Variants in CENPW observed in about 807,000 individuals in gnomAD.
CENPW encodes the protein cancer-up-regulated gene 2 protein.
CENPW carries 3 observed loss-of-function variants against 11.1 expected under a neutral mutation model. The observed-to-expected ratio is 0.27, with a 90% CI of 0.12 to 0.70. The LOEUF (loss-of-function observed/expected upper bound fraction) is 0.70, where lower values mean the gene tolerates loss of function less well. Among genes scored for constraint, CENPW ranks in the 30% least tolerant of loss-of-function variants. The pLI, the probability that CENPW is intolerant of heterozygous loss-of-function variation, is 0.77. For synonymous variants in CENPW, 38 were observed against 42.0 expected (o/e 0.91, Z 0.37); for missense variants, 100 against 105.6 (o/e 0.95, Z 0.23).
the CENPW span, among the ~76,000 whole-genome samples, chr6:126,443,617 T>C: frequency 6.6e-6 from 1 of 151,270 alleles, no homozygotes; most frequent in African/African-American, 2.4e-5. Context: ...GTAAGTTTAT[T>C]CTATTTTCTA....
At chr6:126,376,609 G>C in the CENPW span, among the ~76,000 whole-genome samples, 1 of 152,038 alleles carries the variant, frequency 6.6e-6, no homozygotes, top group Non-Finnish European at 1.5e-5. Flanking sequence ...ACCAGACTAG[G>C]TGCTTCAGCT....
the CENPW span, among the ~76,000 whole-genome samples, chr6:126,479,707 C>T: frequency 2.0e-5 from 3 of 151,984 alleles, no homozygotes; most frequent in South Asian, 6.2e-4. Context: ...TCTTTAATTT[C>T]TCTCAGTTTT....
the CENPW span, among the ~76,000 whole-genome samples, chr6:126,468,188 C>T: frequency 5.1e-4 from 77 of 151,676 alleles, no homozygotes; most frequent in African/African-American, 1.6e-3. Flanking sequence ...GGGAGGCTGA[C>T]GGGGGGCAGA....
the CENPW span, among the ~76,000 whole-genome samples, chr6:126,403,230 C>T: frequency 6.6e-6 from 1 of 152,082 alleles, no homozygotes; most frequent in African/African-American, 2.4e-5. Context: ...CAATTAATAA[C>T]TTTTCAGTGG....
chr6:126,431,131 C>T, the CENPW span, among the ~76,000 whole-genome samples: 2 of 152,068 alleles, frequency 1.3e-5, no homozygotes, highest in Non-Finnish European at 2.9e-5. Context: ...CCTAAATATC[C>T]TTAGGACAGC....
At chr6:126,352,311 T>C (rs1408820985), downstream of CENPW, among the ~76,000 whole-genome samples, 1 of 152,112 alleles carries the variant, frequency 6.6e-6, no homozygotes, top group Non-Finnish European at 1.5e-5. Flanking sequence ...CTGTGTTAGA[T>C]AATTCTTGCC....
the CENPW span, among the ~76,000 whole-genome samples, chr6:126,438,989 A>G: frequency 6.6e-6 from 1 of 151,782 alleles, no homozygotes; most frequent in Admixed American, 6.6e-5. Context: ...TTGGTAATTT[A>G]TGGCTAGCAA....
chr6:126,414,309 A>G, the CENPW span, among the ~76,000 whole-genome samples: 1 of 152,126 alleles, frequency 6.6e-6, no homozygotes, highest in Non-Finnish European at 1.5e-5. Flanking sequence ...CATTACACCT[A>G]ACAGACATTT....
chr6:126,340,295 TC>T lies in CENPW; in HGVS notation c.25del (p.Gln9ArgfsTer5), dbSNP rs1469328511. 6.2e-7 allele frequency: 1 copy of T among 1,613,826 alleles called. No homozygotes were observed. The highest frequency in any genetic ancestry group is 8.5e-7 in the Non-Finnish European group (1 of 1,180,012). On this transcript the variant is annotated frameshift_variant, in exon 1 of 3. Transcript: ENST00000368328. LOFTEE classifies it high-confidence loss of function. MALSTIV[S>X]QRKQIKRKAP... The stretch of plus-strand genomic sequence containing the variant: ...GAGGATGGCGCTGTCGACCATAGTC[TC>T]CCAGAGGAAGCAGATAAAGCGGAAG...
the CENPW span, among the ~76,000 whole-genome samples, chr6:126,393,770 GATAT>G: frequency 2.0e-5 from 3 of 148,608 alleles, no homozygotes; most frequent in South Asian, 6.3e-4. Flanking sequence ...ATTATATGTG[GATAT>G]ATATTTATAT....
the CENPW span, among the ~76,000 whole-genome samples, chr6:126,393,960 T>C: frequency 6.6e-6 from 1 of 151,936 alleles, no homozygotes; most frequent in African/African-American, 2.4e-5. Context: ...CCTGCTCTTT[T>C]TTTGGTTTCC....
At chr6:126,369,548 T>C in the CENPW span, among the ~76,000 whole-genome samples, 1 of 152,236 alleles carries the variant, frequency 6.6e-6, no homozygotes, top group South Asian at 2.1e-4. Context: ...GAGCATTGTT[T>C]CATATGTTTG....
the CENPW span, among the ~76,000 whole-genome samples, chr6:126,400,150 T>C: frequency 1.3e-5 from 2 of 152,080 alleles, no homozygotes; most frequent in African/African-American, 2.4e-5. Context: ...TATACATTTA[T>C]ATTAGAGTGA....
chr6:126,477,495 C>G, the CENPW span, among the ~76,000 whole-genome samples: 1 of 151,816 alleles, frequency 6.6e-6, no homozygotes, highest in African/African-American at 2.4e-5. Context: ...TTTAAGAGAT[C>G]TCTGCCAGCA....
At chr6:126,444,807 T>A in the CENPW span, among the ~76,000 whole-genome samples, 5 of 151,366 alleles carry the variant, frequency 3.3e-5, no homozygotes, top group Middle Eastern at 3.4e-3. Context: ...TACATTCCTC[T>A]TCCTGATTTT....
chr6:126,482,768 A>G, the CENPW span, among the ~76,000 whole-genome samples: 1 of 151,898 alleles, frequency 6.6e-6, no homozygotes, highest in Non-Finnish European at 1.5e-5. Context: ...AAAAGCTTTG[A>G]TATTTGGTAG....
the CENPW span, among the ~76,000 whole-genome samples, chr6:126,370,911 C>A: frequency 1.3e-5 from 2 of 152,006 alleles, no homozygotes; most frequent in East Asian, 1.9e-4. Context: ...CACCACCACG[C>A]CTGGCTAATT....
the CENPW span, among the ~76,000 whole-genome samples, chr6:126,401,330 T>C: frequency 6.6e-6 from 1 of 152,070 alleles, no homozygotes; most frequent in Admixed American, 6.6e-5. Context: ...GTTTTTCCTT[T>C]GTACTTGGGC....
the CENPW span, among the ~76,000 whole-genome samples, chr6:126,356,375 A>T: frequency 6.6e-6 from 1 of 152,200 alleles, no homozygotes; most frequent in South Asian, 2.1e-4. Flanking sequence ...TTCTTTGGGA[A>T]AGATGAAGAC....
Sources: allele counts gnomAD v4.1 joint callset (sites outside exome capture counted in the v4.1 genomes callset), GRCh38; gene constraint gnomAD v4.1.1; transcripts MANE v1.5; gene names NCBI Gene and HGNC (gene_info 2026-07-23, HGNC 2026-07-21).